TMEM30A: variants seen among roughly 807,000 people sequenced by gnomAD.
The protein encoded by TMEM30A is cell division cycle 50 P4-ATPase accessory subunit A, also known as cell cycle control protein 50A.
In TMEM30A, 24 loss-of-function variants were observed where a neutral mutation model predicts 38.2. That is an observed-to-expected ratio of 0.63 (90% CI 0.46 to 0.88). The LOEUF is 0.88. TMEM30A is among the 40% of genes least tolerant of loss of function. TMEM30A has a pLI of 0.00. For synonymous variants in TMEM30A, 145 were observed against 161.6 expected (o/e 0.90, Z 0.78); for missense variants, 370 against 458.6 (o/e 0.81, Z 1.77).
At chr6:75,267,542 C>A in intron 2 of TMEM30A, 99 bp downstream of exon 2, 1 of 773,038 alleles carries the variant, frequency 1.3e-6, no homozygotes, top group Non-Finnish European at 2.0e-6. Flanking sequence ...ATTATACAGA[C>A]TTCTCTATAA....
At chr6:75,256,643 C>A in intron 6 of TMEM30A, 1 of 370,934 alleles carries the variant, frequency 2.7e-6, no homozygotes, top group Non-Finnish European at 5.2e-6. Context: ...ATGAAGCCCA[C>A]ACAAGGAGAC....
chr6:75,284,533 GC>G lies in TMEM30A; in HGVS notation c.105del (p.Gln35HisfsTer65). 1 of 1,612,084 alleles carries G rather than the reference GC, an allele frequency of 6.2e-7. No homozygotes were observed. The highest frequency in any genetic ancestry group is 8.5e-7 in the Non-Finnish European group (1 of 1,178,788). On this transcript the variant is annotated frameshift_variant, in exon 1 of 7. Coordinates refer to ENST00000230461, the MANE Select transcript of TMEM30A (RefSeq NM_018247.4). LOFTEE classifies it high-confidence loss of function. The stretch of plus-strand genomic sequence containing the variant: ...ATGGGCTGCCAAGCTGGCAGCCGTT[GC>G]TGTTTGAAGGCCGTGTTATCCGGTC... ...TRRPDNTAFK[Q>X]QRLPAWQPIL...
intron 2 of TMEM30A, among the ~76,000 whole-genome samples, chr6:75,265,612 A>T (rs1036098482): frequency 1.3e-5 from 2 of 152,194 alleles, no homozygotes; most frequent in Admixed American, 1.3e-4. Flanking sequence ...ATATTCAAGG[A>T]ATCTATTAGC....
Position 75,256,157 on chromosome 6 carries a change from A to G in TMEM30A, c.1031T>C (p.Leu344Pro). 1 of 1,612,972 alleles carries G rather than the reference A, an allele frequency of 6.2e-7. No homozygotes were observed. The highest frequency in any genetic ancestry group is 2.2e-5 in the East Asian group (1 of 44,830). Residue 344 changes from leucine (L) to proline (P), a missense_variant, in exon 7 of 7, where the codon CTA becomes CCA. Physicochemically the swap from Leu to Pro is moderately conservative, Grantham distance 98. Coordinates refer to ENST00000230461, the MANE Select transcript of TMEM30A (RefSeq NM_018247.4). ...SISFLLGVVL[L>P]VINHKYRNSS... ...GTTTCTATATTTATGATTAATTACT[A>G]GCAGTACAACTCCCAGAAGGAAGGA... is the stretch of plus-strand genomic sequence containing the variant.
intron 1 of TMEM30A, among the ~76,000 whole-genome samples, chr6:75,280,047 G>A (rs1280329623): frequency 6.6e-6 from 1 of 152,104 alleles, no homozygotes; most frequent in African/African-American, 2.4e-5. Context: ...AAGACAAAAG[G>A]TAAGTAAAAC....
In TMEM30A at chr6:75,262,931, A is replaced by G. The variant is rs190611973; in HGVS notation, c.454-2020T>C. Among the ~76,000 whole-genome samples, 6 of 152,390 alleles carry G rather than the reference A, an allele frequency of 3.9e-5. No individual in the cohort carries two copies. In the East Asian group the frequency reaches 1.2e-3, roughly 29 times the overall value. On this transcript the variant is annotated intron_variant, in intron 3 of 6. Coordinates refer to ENST00000230461, the MANE Select transcript of TMEM30A (RefSeq NM_018247.4). Reference sequence around the variant, plus strand: ...GGCACTTGGTAAACAGTGATTAAAGAAAGTCATGCTCCCTGCCTTCATGAG... The same window carrying G: ...GGCACTTGGTAAACAGTGATTAAAGGAAGTCATGCTCCCTGCCTTCATGAG...
Position 75,258,842 on chromosome 6 carries a change from T to A in TMEM30A, c.830A>T (p.Glu277Val). ...PTFRKLYRLI[E>V]RKSDLHPTLP... is the part of the protein sequence containing the mutation. The stretch of plus-strand genomic sequence containing the variant: ...TGTTGGATGTAAATCACTTTTCCTT[T>A]CTATAAGACGATACAACTTGCGAAA... The change falls in exon 6 of 7, where the codon GAA becomes GTA. Residue 277 changes from glutamate (E) to valine (V), a missense_variant. Coordinates refer to ENST00000230461, the MANE Select transcript of TMEM30A (RefSeq NM_018247.4). 1 of 1,614,018 alleles carries A rather than the reference T, an allele frequency of 6.2e-7. No individual in the cohort carries two copies. Among genetic ancestry groups the A allele is most frequent in the Non-Finnish European group, 8.5e-7 (1 of 1,179,910 alleles).
Position 75,259,365 on chromosome 6 carries a change from G to A in TMEM30A, c.667C>T (p.Leu223=). ...GTTTTACCTTTAAATCGTTCTTCCAGGTTGTCTCCTCCAGGGGGATTTCTG... is the reference window on the plus strand; with the variant it reads ...GTTTTACCTTTAAATCGTTCTTCCAAGTTGTCTCCTCCAGGGGGATTTCTG... ...KFRNPPGGDN[L]EERFKGTTKP... is the part of the protein sequence containing the mutation. Residue 223 remains leucine, a synonymous_variant, in exon 5 of 7, where the codon CTG becomes TTG. Coordinates refer to ENST00000230461, the MANE Select transcript of TMEM30A (RefSeq NM_018247.4). 2 of 1,612,214 alleles carry A rather than the reference G, an allele frequency of 1.2e-6. No homozygotes were observed. The highest frequency in any genetic ancestry group is 1.7e-6 in the Non-Finnish European group (2 of 1,179,332).
chr6:75,278,390 C>A lies in TMEM30A; in HGVS notation c.237+6012G>T, dbSNP rs569319473. Among the ~76,000 whole-genome samples the A allele has an allele frequency of 1.2e-4, 19 of 152,290 alleles. 1 individual carries two copies. In the South Asian group the frequency reaches 3.3e-3, roughly 27 times the overall value. ...CTTGTTATCAGAATGAAAACATTTT[C>A]CAGCCTCCCTTGTAGCTTGTGTGGC... On this transcript the variant is annotated intron_variant, in intron 1 of 6. Coordinates refer to ENST00000230461, the MANE Select transcript of TMEM30A (RefSeq NM_018247.4).
intron 3 of TMEM30A, among the ~76,000 whole-genome samples, chr6:75,264,453 T>G (rs1772028755): frequency 6.6e-6 from 1 of 151,926 alleles, no homozygotes; most frequent in African/African-American, 2.4e-5. Context: ...CTGGCCAGCG[T>G]GGCGAAACCC....
chr6:75,259,052 A>C, intron 5 of TMEM30A, 66 bp from the exon 6 acceptor site: 1 of 1,376,510 alleles, frequency 7.3e-7, no homozygotes, highest in Non-Finnish European at 1.0e-6. Context: ...GTGGCGGAGA[A>C]ACGAATAAAT....
Position 75,265,557 on chromosome 6 carries a change from C to T in TMEM30A, c.346-219G>A, listed in dbSNP as rs148460967. On this transcript the variant is annotated intron_variant, in intron 2 of 6. Coordinates refer to ENST00000230461, the MANE Select transcript of TMEM30A (RefSeq NM_018247.4). ...AAAAAGCCACAAGTAAACTTTAAAA[C>T]TATCCTTAAAGACGTCAAAAAAGTA... 9.7e-3 allele frequency among the ~76,000 whole-genome samples: 1,483 copies of T among 152,270 alleles called. 27 individuals carry two copies. The highest frequency in any genetic ancestry group is 0.027 in the Middle Eastern group (8 of 294).
chr6:75,270,996 G>A (rs921234566), intron 1 of TMEM30A, among the ~76,000 whole-genome samples: 1 of 152,116 alleles, frequency 6.6e-6, no homozygotes, highest in Non-Finnish European at 1.5e-5. Context: ...TGCACCTGGG[G>A]CCTTTTCATG....
chr6:75,259,503 A>C lies in TMEM30A; in HGVS notation c.542-13T>G, dbSNP rs1771928784. The C allele has an allele frequency of 6.3e-7, 1 of 1,581,898 alleles. No individual in the cohort carries two copies. Among genetic ancestry groups the C allele is most frequent in the African/African-American group, 1.4e-5 (1 of 73,256 alleles). ...AATTCTAATGTATCTAAACACAAGC[A>C]AAGAAAGACATTACTAACTATCTCT... On this transcript the variant is annotated splice_polypyrimidine_tract_variant and intron_variant, in intron 4 of 6. Transcript: ENST00000230461.
rs1771807622 is a variant in TMEM30A at position 75,253,100 on chromosome 6, C to T, written c.*3002G>A. The T allele has an allele frequency of 6.6e-6, 1 of 151,914 alleles. No individual in the cohort carries two copies. The highest frequency in any genetic ancestry group is 1.5e-5 in the Non-Finnish European group (1 of 67,958). The allele number at this position is 151,914 out of a possible 1,614,324, so 9.4% of individuals were successfully genotyped here. A position where few individuals can be genotyped will look rare whatever the true frequency, so the allele number is the denominator to read the frequency against. ...AAATTCTTGTAAAAGGACCACTTCC[C>T]TACTCCCTCCACCCTCCCCTCAAAA... On this transcript the variant is annotated 3_prime_UTR_variant, in exon 7 of 7. Coordinates refer to ENST00000230461, the MANE Select transcript of TMEM30A (RefSeq NM_018247.4).
intron 1 of TMEM30A, among the ~76,000 whole-genome samples, chr6:75,278,016 AGAG>A (rs1293982622): frequency 6.6e-6 from 1 of 152,260 alleles, no homozygotes; most frequent in Non-Finnish European, 1.5e-5. Context: ...GAAGAAAACA[AGAG>A]GAAGATGGTG....
At chr6:75,265,802 C>T (rs1772059751) in intron 2 of TMEM30A, among the ~76,000 whole-genome samples, 1 of 152,044 alleles carries the variant, frequency 6.6e-6, no homozygotes, top group South Asian at 2.1e-4. Context: ...GCCGTTCTAC[C>T]GCCTCTATCC....
chr6:75,257,705 T>C lies in TMEM30A; in HGVS notation c.892+1075A>G, dbSNP rs138353486. 1.3e-4 allele frequency among the ~76,000 whole-genome samples: 20 copies of C among 152,286 alleles called. No homozygotes were observed. The East Asian group carries it at 3.3e-3, about 25-fold the overall frequency. ...CCTGCCATAGCAGGCCATATTTACT[T>C]GTGTATTCAGGTGCAACATCAAGAG... On this transcript the variant is annotated intron_variant, in intron 6 of 6. Coordinates refer to ENST00000230461, the MANE Select transcript of TMEM30A (RefSeq NM_018247.4).
At chr6:75,275,385 G>C (rs933654650) in intron 1 of TMEM30A, among the ~76,000 whole-genome samples, 1 of 152,000 alleles carries the variant, frequency 6.6e-6, no homozygotes, top group Admixed American at 6.6e-5. Flanking sequence ...ATATTTGTTT[G>C]CCTACTCATT....
Sources: gnomAD v4.1 joint callset for allele counts (sites outside exome capture counted in the v4.1 genomes callset) on GRCh38, gnomAD v4.1.1 for gene constraint, MANE v1.5 for transcripts, NCBI Gene and HGNC (gene_info 2026-07-23, HGNC 2026-07-21) for gene names.